IL27: variants seen among roughly 807,000 people sequenced by gnomAD.
IL27 encodes interleukin-27 subunit alpha.
IL27 carries 11 observed loss-of-function variants against 27.0 expected under a neutral mutation model. The observed-to-expected ratio is 0.41, with a 90% CI of 0.26 to 0.67. The LOEUF (loss-of-function observed/expected upper bound fraction) is 0.67, where lower values mean the gene tolerates loss of function less well. IL27 is among the 30% of genes least tolerant of loss of function. The pLI is 0.34. For missense variants in IL27, 299 were observed against 310.4 expected (o/e 0.96, Z 0.28); for synonymous variants, 134 against 140.6 (o/e 0.95, Z 0.33).
At chr16:28,500,311 G>C (rs2046423092) in intron 4 of IL27, among the ~76,000 whole-genome samples, 1 of 151,782 alleles carries the variant, frequency 6.6e-6, no homozygotes, top group South Asian at 2.1e-4. Flanking sequence ...GCCCCGCTCT[G>C]TCGCCCAGGC....
Position 28,504,165 on chromosome 16 carries a change from C to A in IL27, c.32-115G>T. Reference sequence around the variant, plus strand: ...ACGGTGCAGGCACTTTGACCAGCATCATTCCTCTGCCTCCTCAAAACCACA... The same window carrying A: ...ACGGTGCAGGCACTTTGACCAGCATAATTCCTCTGCCTCCTCAAAACCACA... On this transcript the variant is annotated intron_variant, in intron 1 of 4. Coordinates refer to ENST00000356897, the MANE Select transcript of IL27 (RefSeq NM_145659.3). The A allele has an allele frequency of 4.6e-6, 5 of 1,098,344 alleles. No individual in the cohort carries two copies. In the South Asian group the frequency reaches 6.7e-5, roughly 15 times the overall value. The allele number at this position is 1,098,344 out of a possible 1,614,324, so 68.0% of individuals were successfully genotyped here.
intron 1 of IL27, among the ~76,000 whole-genome samples, chr16:28,505,634 C>T (rs929426179): frequency 5.3e-5 from 8 of 152,102 alleles, no homozygotes; most frequent in Non-Finnish European, 8.8e-5. Context: ...GGCTGAATTC[C>T]GAGTGTGCTT....
At position 28,503,947 on chromosome 16, in the gene IL27, C is replaced by T. The variant is rs964360166; in HGVS notation, c.135G>A (p.Arg45=). 3 of 1,614,056 alleles carry T rather than the reference C, an allele frequency of 1.9e-6. No individual in the cohort carries two copies. The African/African-American group carries it at 4.0e-5, about 22-fold the overall frequency. ...RPQLSLQELR[R]EFTVSLHLAR... Reference sequence around the variant, plus strand: ...CGAGATGCAGGCTGACTGTGAACTCCCTCCGCAGCTCCTGCAGGCTCAGCT... The same window carrying T: ...CGAGATGCAGGCTGACTGTGAACTCTCTCCGCAGCTCCTGCAGGCTCAGCT... Residue 45 remains arginine (R), a synonymous_variant, in exon 2 of 5, where the codon AGG becomes AGA. Transcript: ENST00000356897.
chr16:28,505,419 C>G (rs2046455818), intron 1 of IL27, among the ~76,000 whole-genome samples: 4 of 152,110 alleles, frequency 2.6e-5, no homozygotes, highest in Non-Finnish European at 5.9e-5. Context: ...TCACTGCAAC[C>G]TTCACCTCCC....
Position 28,499,484 on chromosome 16 carries a change from TAGCTGGCGAGGACC to T in IL27, c.*153_*166del, listed in dbSNP as rs1183819647. 17 of 577,804 alleles carry T rather than the reference TAGCTGGCGAGGACC, an allele frequency of 2.9e-5. No individual in the cohort carries two copies. The highest frequency in any genetic ancestry group is 4.6e-4 in the Middle Eastern group (1 of 2,166). 35.8% of individuals were successfully genotyped at this position (577,804 alleles called of 1,614,324 possible). On this transcript the variant is annotated 3_prime_UTR_variant, in exon 5 of 5. Transcript: ENST00000356897. Reference sequence around the variant, plus strand: ...AATAAATAAATATCCAAGAAATAAATAGCTGGCGAGGACCAGAGGGGCTTTCAGTTACTGGGTAG... The same window carrying T: ...AATAAATAAATATCCAAGAAATAAATAGAGGGGCTTTCAGTTACTGGGTAG...
chr16:28,503,906 G>A lies in IL27; in HGVS notation c.176C>T (p.Ser59Phe). 1 of 1,614,234 alleles carries A rather than the reference G, an allele frequency of 6.2e-7. No homozygotes were observed. Among genetic ancestry groups the A allele is most frequent in the Non-Finnish European group, 8.5e-7 (1 of 1,180,034 alleles). Residue 59 changes from serine (S) to phenylalanine (F), a missense_variant, in exon 2 of 5, where the codon TCC becomes TTC. Transcript: ENST00000356897. ...GCGGTGGGCCTGGCCCCGAACCTCGGAGAGCAGCTTCCTGGCGAGATGCAG... is the reference window on the plus strand; with the variant it reads ...GCGGTGGGCCTGGCCCCGAACCTCGAAGAGCAGCTTCCTGGCGAGATGCAG... ...VSLHLARKLL[S>F]EVRGQAHRFA...
At chr16:28,501,494 ACACT>A (rs1159016262) in intron 4 of IL27, among the ~76,000 whole-genome samples, 26 of 149,148 alleles carry the variant, frequency 1.7e-4, no homozygotes, top group Admixed American at 3.3e-4. Context: ...TCAGACCCAC[ACACT>A]CACAGTCACA....
rs370979691 is a variant in IL27, at chr16:28,506,720, C to T, written c.31+61G>A. On this transcript the variant is annotated intron_variant, in intron 1 of 4. Coordinates refer to ENST00000356897, the MANE Select transcript of IL27 (RefSeq NM_145659.3). ...CTCTCGACCCCCCATCTGCACCAGC[C>T]AAGCTCGTCCATTCTCTGCCCAAAC... 98 of 1,564,156 alleles carry T rather than the reference C, an allele frequency of 6.3e-5. 1 individual carries two copies. In the African/African-American group the frequency reaches 1.2e-3, roughly 20 times the overall value.
chr16:28,504,346 T>C (rs1488754690), intron 1 of IL27, among the ~76,000 whole-genome samples: 1 of 152,012 alleles, frequency 6.6e-6, no homozygotes, highest in Non-Finnish European at 1.5e-5. Context: ...GGCGTGGTGG[T>C]GCATGCCTGT....
intron 3 of IL27, 58 bp downstream of exon 3, chr16:28,503,637 G>T: frequency 7.8e-7 from 1 of 1,290,036 alleles, no homozygotes; most frequent in Non-Finnish European, 1.1e-6. Context: ...GCCTCATCTT[G>T]CACCCTGGCC....
chr16:28,505,524 G>T (rs1255802236), intron 1 of IL27, among the ~76,000 whole-genome samples: 1 of 151,972 alleles, frequency 6.6e-6, no homozygotes, highest in Non-Finnish European at 1.5e-5. Flanking sequence ...TGCCGTGTTG[G>T]CCAGGCTGGT....
In IL27 at chr16:28,503,994, G is replaced by A; in HGVS notation, c.88C>T (p.Pro30Ser). The A allele has an allele frequency of 6.2e-7, 1 of 1,613,854 alleles. No individual in the cohort carries two copies. The highest frequency in any genetic ancestry group is 8.5e-7 in the Non-Finnish European group (1 of 1,179,832). Residue 30 changes from proline (P) to serine (S), a missense_variant, in exon 2 of 5, where the codon CCA (proline) becomes TCA (serine). Physicochemically the swap from Pro to Ser is moderately conservative, Grantham distance 74. Transcript: ENST00000356897. ...AGCTGGGGCCTCCCTGGGGGCCTTG[G>A]GAATCCCCAGACACCAGCTTGAACC... Reference protein sequence around the residue: ...LLVQAGVWGFPRPPGRPQLSL... With the variant: ...LLVQAGVWGFSRPPGRPQLSL...
rs771623095 is a variant in IL27 at position 28,506,817 on chromosome 16, G to A, written c.-6C>T. ...TCGCCTGCCGTCTGGCCCATGGCGG[G>A]GCCCAGCCTCTTTGGTCAGCCATCT... On this transcript the variant is annotated 5_prime_UTR_variant, in exon 1 of 5. Coordinates refer to ENST00000356897, the MANE Select transcript of IL27 (RefSeq NM_145659.3). The A allele has an allele frequency of 1.2e-6, 2 of 1,611,502 alleles. No individual in the cohort carries two copies. Among genetic ancestry groups the A allele is most frequent in the Non-Finnish European group, 1.7e-6 (2 of 1,178,884 alleles).
intron 4 of IL27, 28 bp downstream of exon 4, chr16:28,501,946 CTG>C (rs775892063): frequency 1.6e-5 from 26 of 1,590,138 alleles, no homozygotes; most frequent in African/African-American, 2.7e-5. Flanking sequence ...CCCACGTGGT[CTG>C]GGGTGGTGGA....
Position 28,499,726 on chromosome 16 carries a change from C to G in IL27, c.657G>C (p.Arg219=). 6.2e-7 allele frequency: 1 copy of G among 1,613,666 alleles called. No homozygotes were observed. Among genetic ancestry groups the G allele is most frequent in the Non-Finnish European group, 8.5e-7 (1 of 1,179,862 alleles). ...CAGCCTTGGACAGCAGCAGCAACTC[C>G]CGCACGGCCCGAGATAAGACGAGCT... The part of the protein sequence containing the change: ...SLELVLSRAV[R]ELLLLSKAGH... Residue 219 remains arginine (R), a synonymous_variant, in exon 5 of 5, where the codon CGG becomes CGC. Transcript: ENST00000356897.
chr16:28,501,940 C>T, intron 4 of IL27, 36 bp downstream of exon 4: 1 of 1,581,916 alleles, frequency 6.3e-7, no homozygotes, highest in East Asian at 2.3e-5. Context: ...TTCTTTCCCA[C>T]GTGGTCTGGG....
At chr16:28,501,206 G>A (rs1348517119) in intron 4 of IL27, among the ~76,000 whole-genome samples, 1 of 149,812 alleles carries the variant, frequency 6.7e-6, no homozygotes, top group African/African-American at 2.5e-5. Context: ...AAAAAAAATC[G>A]TTCACGTACC....
rs1219657337 is a variant in IL27, at chr16:28,502,031, T to C, written c.407A>G (p.Gln136Arg). ...QGRWTNMERM[Q>R]LWAMRLDLRD... The stretch of plus-strand genomic sequence containing the variant: ...GAGGTCCAGCCTCATGGCCCACAGC[T>C]GCATCCTCTCCATGTTGGTCCAGCG... The change falls in exon 4 of 5, where the codon CAG becomes CGG. Residue 136 changes from glutamine (Q) to arginine (R), a missense_variant. Transcript: ENST00000356897. 1 of 1,613,072 alleles carries C rather than the reference T, an allele frequency of 6.2e-7. No homozygotes were observed. Among genetic ancestry groups the C allele is most frequent in the Admixed American group, 1.7e-5 (1 of 60,008 alleles).
rs769951641 is a variant in IL27 at position 28,499,688 on chromosome 16, C to G, written c.695G>C (p.Trp232Ser). ...LLLSKAGHSVWPLGFPTLSPQ... is the reference protein window; with the variant it reads ...LLLSKAGHSVSPLGFPTLSPQ... ...GCTCAATGTTGGGAACCCCAAGGGC[C>G]AGACTGAGTGCCCAGCCTTGGACAG... Residue 232 changes from tryptophan to serine, a missense_variant, in exon 5 of 5, where the codon TGG becomes TCG. Transcript: ENST00000356897. 6.8e-6 allele frequency: 11 copies of G among 1,613,348 alleles called. No individual in the cohort carries two copies. The highest frequency in any genetic ancestry group is 1.7e-5 in the Admixed American group (1 of 59,932).
Sources: allele counts gnomAD v4.1 joint callset (sites outside exome capture counted in the v4.1 genomes callset), GRCh38; gene constraint gnomAD v4.1.1; transcripts MANE v1.5; gene names NCBI Gene and HGNC (gene_info 2026-07-23, HGNC 2026-07-21).